The following CHODL variants were observed in gnomAD, a reference collection of about 807,000 sequenced individuals.
The protein encoded by CHODL is transmembrane protein MT75.
CHODL carries 29 observed loss-of-function variants against 34.5 expected under a neutral mutation model. The ratio of observed to expected loss-of-function variants is 0.84; its 90% CI spans 0.63 to 1.15. The LOEUF is 1.15. Among genes scored for constraint, CHODL ranks in the 50% most tolerant of loss-of-function variants. The pLI, the probability that CHODL is intolerant of heterozygous loss-of-function variation, is 0.00. For missense variants in CHODL, 332 were observed against 332.5 expected (o/e 1.00, Z 0.01); for synonymous variants, 125 against 116.1 (o/e 1.08, Z -0.49).
At chr21:18,098,674 C>G (rs2065171399) in intron 2 of CHODL, among the ~76,000 whole-genome samples, 1 of 152,050 alleles carries the variant, frequency 6.6e-6, no homozygotes, top group South Asian at 2.1e-4. Flanking sequence ...GGAGGTCCCT[C>G]AAAAAACTAA....
chr21:18,247,187 G>T (rs2074151439), intron 1 of CHODL, among the ~76,000 whole-genome samples: 2 of 152,058 alleles, frequency 1.3e-5, no homozygotes, highest in South Asian at 4.1e-4. Context: ...GTTTCTAATG[G>T]ATCTATTGTC....
chr21:18,079,816 A>G (rs2064917737), intron 2 of CHODL, among the ~76,000 whole-genome samples: 1 of 152,150 alleles, frequency 6.6e-6, no homozygotes, highest in Non-Finnish European at 1.5e-5. Flanking sequence ...TATAATCACA[A>G]TAGCAAAATA....
At chr21:18,124,823 C>CCATG (rs1455818031) in intron 2 of CHODL, among the ~76,000 whole-genome samples, 1 of 152,188 alleles carries the variant, frequency 6.6e-6, no homozygotes, top group African/African-American at 2.4e-5. Context: ...CCGGTGATTT[C>CCATG]CATGCATTTT....
intron 2 of CHODL, among the ~76,000 whole-genome samples, chr21:18,127,804 G>T (rs1040582784): frequency 4.0e-5 from 6 of 148,162 alleles, no homozygotes; most frequent in African/African-American, 1.2e-4. Flanking sequence ...AACTGCAGTT[G>T]AGGTGCCAGT....
chr21:18,032,436 C>A (rs571273708), intron 2 of CHODL, among the ~76,000 whole-genome samples: 2 of 151,946 alleles, frequency 1.3e-5, no homozygotes, highest in African/African-American at 4.8e-5. Flanking sequence ...AGATTTTTGA[C>A]CCAAACAATG....
rs2074011584 is a variant in CHODL at position 18,234,530 on chromosome 21, G to T, written c.-44-21979G>T. On this transcript the variant is annotated intron_variant, in intron 2 of 6. Transcript: ENST00000400127. ...GGTCTCTTATGGGTAACTCATGAAA[G>T]AAATGGTTCTTTGTAACATTTACGC... 2.6e-5 allele frequency among the ~76,000 whole-genome samples: 4 copies of T among 152,064 alleles called. No individual in the cohort carries two copies. In the South Asian group the frequency reaches 8.3e-4, roughly 31 times the overall value.
At position 18,154,791 on chromosome 21, in the gene CHODL, G is replaced by T. The variant is rs571756951; in HGVS notation, c.-44-101718G>T. ...GGTGTGTTCTGTAAGTGTATTTAAT[G>T]TTATGCATTAAATATGGGTGACAAC... On this transcript the variant is annotated intron_variant, in intron 2 of 6. Coordinates refer to the CHODL transcript ENST00000400127. Among the ~76,000 whole-genome samples, 27 of 152,292 alleles carry T rather than the reference G, an allele frequency of 1.8e-4. No individual in the cohort carries two copies. The South Asian group carries it at 5.4e-3, about 30-fold the overall frequency.
chr21:18,108,837 T>G (rs4818402), intron 2 of CHODL, among the ~76,000 whole-genome samples: 42,854 of 147,100 alleles, frequency 0.29, 8,012 homozygotes, highest in East Asian at 0.62. Context: ...CTTTGCAATG[T>G]TGTGTGTGTG....
At chr21:18,018,571 G>T (rs979668448) in intron 1 of CHODL, among the ~76,000 whole-genome samples, 2 of 152,136 alleles carry the variant, frequency 1.3e-5, no homozygotes, top group African/African-American at 4.8e-5. Context: ...AAAGCTTCCT[G>T]AGGTCTCCCC....
chr21:17,958,589 A>T (rs1377191198), intron 1 of CHODL, among the ~76,000 whole-genome samples: 1 of 152,210 alleles, frequency 6.6e-6, no homozygotes, highest in Non-Finnish European at 1.5e-5. Context: ...GACACTTGGT[A>T]GGAACAGGCA....
intron 2 of CHODL, among the ~76,000 whole-genome samples, chr21:18,153,552 G>A (rs111623742): frequency 1.9e-3 from 285 of 151,892 alleles, no homozygotes; most frequent in African/African-American, 6.6e-3. Flanking sequence ...CTGCTTTTAA[G>A]GACTTACATG....
intron 2 of CHODL, among the ~76,000 whole-genome samples, chr21:18,123,868 G>C (rs1401975309): frequency 2.6e-5 from 4 of 152,044 alleles, no homozygotes; most frequent in Non-Finnish European, 5.9e-5. Flanking sequence ...AAGAACGCAG[G>C]GTACCTCACC....
At chr21:18,242,544 A>G (rs571532596), upstream of CHODL, among the ~76,000 whole-genome samples, 32 of 115,322 alleles carry the variant, frequency 2.8e-4, 1 homozygote, top group South Asian at 8.8e-3. Context: ...GAACTCAGTG[A>G]TGACCCATCC....
chr21:17,935,616 A>G (rs1318920886), intron 1 of CHODL, among the ~76,000 whole-genome samples: 1 of 152,256 alleles, frequency 6.6e-6, no homozygotes, highest in Non-Finnish European at 1.5e-5. Context: ...TACATTCAAT[A>G]TAGTTGGATA....
intron 1 of CHODL, among the ~76,000 whole-genome samples, chr21:18,011,605 C>G (rs1255552352): frequency 1.3e-5 from 2 of 152,054 alleles, no homozygotes; most frequent in Non-Finnish European, 2.9e-5. Context: ...TGCTGAAGGG[C>G]AATATTTTTA....
intron 1 of CHODL, among the ~76,000 whole-genome samples, chr21:17,977,932 A>AAAAAAAG (rs2063679559): frequency 6.6e-6 from 1 of 150,852 alleles, no homozygotes; most frequent in African/African-American, 2.4e-5. Context: ...AAAAAAAAAA[A>AAAAAAAG]AAGAAAAAGA....
intron 2 of CHODL, among the ~76,000 whole-genome samples, chr21:18,160,778 G>C (rs914000303): frequency 3.9e-5 from 6 of 152,120 alleles, no homozygotes; most frequent in Non-Finnish European, 8.8e-5. Context: ...ATTGTGGATA[G>C]TGCTGTAATG....
At chr21:18,013,231 CAAAT>C (rs1431406746) in intron 1 of CHODL, among the ~76,000 whole-genome samples, 1 of 152,148 alleles carries the variant, frequency 6.6e-6, no homozygotes, top group African/African-American at 2.4e-5. Context: ...GGTCACCTCT[CAAAT>C]AAACTTTTCA....
rs972668633 is a variant in CHODL at position 18,158,810 on chromosome 21, C to A, written c.-44-97699C>A. On this transcript the variant is annotated intron_variant, in intron 2 of 6. Transcript: ENST00000400127. ...CCGAGGTGCTGCCATTGTACTCCAG[C>A]CTGGGCAACGAGAGTGAAACTCCGT... is the stretch of plus-strand genomic sequence containing the variant. Among the ~76,000 whole-genome samples, 7 of 146,216 alleles carry A rather than the reference C, an allele frequency of 4.8e-5. No individual in the cohort carries two copies. In the East Asian group the frequency reaches 1.4e-3, roughly 29 times the overall value.
Sources: allele counts gnomAD v4.1 joint callset (sites outside exome capture counted in the v4.1 genomes callset), GRCh38; gene constraint gnomAD v4.1.1; transcripts MANE v1.5; gene names NCBI Gene and HGNC (gene_info 2026-07-23, HGNC 2026-07-21).